Variants in GATAD1 observed in about 807,000 individuals in gnomAD.
GATAD1 encodes the protein GATA zinc finger domain-containing protein 1.
In GATAD1, 12 loss-of-function variants were observed where a neutral mutation model predicts 26.5. The observed-to-expected ratio is 0.45, with a 90% confidence interval of 0.29 to 0.73. The LOEUF (loss-of-function observed/expected upper bound fraction) is 0.73. Among genes scored for constraint, GATAD1 ranks in the 30% least tolerant of loss-of-function variants. GATAD1 has a pLI of 0.10. For missense variants in GATAD1, 266 were observed against 342.1 expected (o/e 0.78, Z 1.75); for synonymous variants, 129 against 133.1 (o/e 0.97, Z 0.21).
chr7:92,448,087 C>T, intron 1 of GATAD1, 109 bp downstream of exon 1: 1 of 827,036 alleles, frequency 1.2e-6, no homozygotes, highest in Non-Finnish European at 1.6e-6. Context: ...CGCCGTGCTC[C>T]TGCTGGCTGG....
At chr7:92,483,406 T>C in the GATAD1 span, among the ~76,000 whole-genome samples, 2 of 152,242 alleles carry the variant, frequency 1.3e-5, no homozygotes, top group Non-Finnish European at 2.9e-5. Flanking sequence ...CTGCCTCTAC[T>C]CTATTCTTGT....
chr7:92,468,224 C>T, the GATAD1 span, among the ~76,000 whole-genome samples: 2 of 152,144 alleles, frequency 1.3e-5, no homozygotes, highest in South Asian at 2.1e-4. Flanking sequence ...CGATTGGGAG[C>T]GGCAATGGGT....
chr7:92,484,717 G>A, the GATAD1 span, among the ~76,000 whole-genome samples: 3 of 152,210 alleles, frequency 2.0e-5, no homozygotes, highest in Admixed American at 6.5e-5. Context: ...AAATTGGTGA[G>A]CTGTTCCTTG....
At chr7:92,481,753 A>G in the GATAD1 span, among the ~76,000 whole-genome samples, 3 of 152,322 alleles carry the variant, frequency 2.0e-5, no homozygotes, top group East Asian at 5.8e-4. Context: ...TTGTGAGTTT[A>G]TATAATGATT....
At position 92,459,273 on chromosome 7, in the gene GATAD1, CAG is replaced by C. The variant is rs1789826417; in HGVS notation, c.*2713_*2714del. The C allele has an allele frequency of 1.4e-5, 2 of 148,006 alleles. No individual in the cohort carries two copies. The highest frequency in any genetic ancestry group is 4.9e-5 in the African/African-American group (2 of 40,446). 9.2% of individuals were successfully genotyped at this position (148,006 alleles called of 1,614,324 possible). A position where few individuals can be genotyped will look rare whatever the true frequency, so the allele number is the denominator to read the frequency against. ...GAGTAGATTCATCATTAATAAGTAA[CAG>C]ATTTTAGGAAAATCAAAAAATGGCT... is the stretch of plus-strand genomic sequence containing the variant. On this transcript the variant is annotated 3_prime_UTR_variant, in exon 5 of 5. Coordinates refer to ENST00000287957, the MANE Select transcript of GATAD1 (RefSeq NM_021167.5).
the GATAD1 span, among the ~76,000 whole-genome samples, chr7:92,466,926 A>T: frequency 2.0e-5 from 3 of 151,974 alleles, no homozygotes; most frequent in African/African-American, 7.3e-5. Context: ...TAGGTATGCT[A>T]TCTGGTAATG....
chr7:92,480,401 T>C, the GATAD1 span, among the ~76,000 whole-genome samples: 1 of 152,066 alleles, frequency 6.6e-6, no homozygotes, highest in Non-Finnish European at 1.5e-5. Flanking sequence ...GAGCTTGATG[T>C]GTAGGGAGGG....
Position 92,447,845 on chromosome 7 carries a change from CG to C in GATAD1, c.119del (p.Gly40AlafsTer84). ...CATCATTGCACTGGCCGGGGCGGCG[CG>C]GGCAGCGGGGGCGCAGGCTCGGGGG... Reference protein sequence around the residue: ...LCHHCTGRGGAGSGGAGSGAA... With the variant: ...LCHHCTGRGGXGSGGAGSGAA... On this transcript the variant is annotated frameshift_variant, in exon 1 of 5. Coordinates refer to ENST00000287957, the MANE Select transcript of GATAD1 (RefSeq NM_021167.5). LOFTEE classifies it high-confidence loss of function. 2 of 1,393,078 alleles carry C rather than the reference CG, an allele frequency of 1.4e-6. No homozygotes were observed. Among genetic ancestry groups the C allele is most frequent in the South Asian group, 3.4e-5 (2 of 59,292 alleles). 86.3% of individuals were successfully genotyped at this position (1,393,078 alleles called of 1,614,324 possible). A position where few individuals can be genotyped will look rare whatever the true frequency, so the allele number is the denominator to read the frequency against.
intron 1 of GATAD1, among the ~76,000 whole-genome samples, chr7:92,448,475 C>G (rs994913609): frequency 2.0e-5 from 3 of 152,150 alleles, no homozygotes; most frequent in Non-Finnish European, 4.4e-5. Context: ...AAGACTGACT[C>G]CTACTCCCGC....
In GATAD1 at chr7:92,456,606, A is replaced by C; in HGVS notation, c.*44A>C. On this transcript the variant is annotated 3_prime_UTR_variant, in exon 5 of 5. Transcript: ENST00000287957. ...GTTTCCAGGCCTGGTGTGGTGGCTC[A>C]CGCCTGTAGCCCCAGCTATTGCACC... 1.6e-6 allele frequency: 2 copies of C among 1,287,020 alleles called. No homozygotes were observed. The highest frequency in any genetic ancestry group is 2.2e-6 in the Non-Finnish European group (2 of 897,220). 79.7% of individuals were successfully genotyped at this position (1,287,020 alleles called of 1,614,324 possible).
the GATAD1 span, chr7:92,468,864 A>G: frequency 1.3e-6 from 1 of 764,440 alleles, no homozygotes. Flanking sequence ...ATCGTGGGCT[A>G]GCAGGCCGGT....
chr7:92,482,963 T>C, the GATAD1 span, among the ~76,000 whole-genome samples: 203 of 152,232 alleles, frequency 1.3e-3, no homozygotes, highest in African/African-American at 4.6e-3. Context: ...AAACAGGGGA[T>C]GGACTTAGCC....
chr7:92,469,405 C>G, the GATAD1 span: 5 of 771,370 alleles, frequency 6.5e-6, no homozygotes, highest in Non-Finnish European at 9.6e-6. Flanking sequence ...CACTCCTGCT[C>G]CTATAACAAA....
At chr7:92,460,573 G>GA (rs935176043), downstream of GATAD1, among the ~76,000 whole-genome samples, 1 of 151,948 alleles carries the variant, frequency 6.6e-6, no homozygotes. Flanking sequence ...ATAAATAAGA[G>GA]AAAAAAGCAG....
In GATAD1 at chr7:92,447,600, G is replaced by T. The variant is rs1203907733; in HGVS notation, c.-130G>T. On this transcript the variant is annotated 5_prime_UTR_variant, in exon 1 of 5. Coordinates refer to ENST00000287957, the MANE Select transcript of GATAD1 (RefSeq NM_021167.5). ...GCGCCAGCGGCCTGGTCCTTTCACC[G>T]GCAGCTCCGTGCCGACGCTCTCACC... 4 of 1,232,088 alleles carry T rather than the reference G, an allele frequency of 3.2e-6. No homozygotes were observed. Among genetic ancestry groups the T allele is most frequent in the Admixed American group, 4.3e-5 (1 of 23,054 alleles). 76.3% of individuals were successfully genotyped at this position (1,232,088 alleles called of 1,614,324 possible).
intron 4 of GATAD1, among the ~76,000 whole-genome samples, 165 bp from the exon 5 acceptor site, chr7:92,456,207 G>C (rs1789664057): frequency 6.6e-6 from 1 of 152,136 alleles, no homozygotes; most frequent in Non-Finnish European, 1.5e-5. Context: ...AGCCGTTAAA[G>C]AAGAAAAAAT....
rs1789755448 is a variant in GATAD1 at position 92,458,020 on chromosome 7, C to T, written c.*1458C>T. 1 of 152,156 alleles carries T rather than the reference C, an allele frequency of 6.6e-6. No individual in the cohort carries two copies. Among genetic ancestry groups the T allele is most frequent in the East Asian group, 1.9e-4 (1 of 5,190 alleles). The allele number at this position is 152,156 out of a possible 1,614,324, so 9.4% of individuals were successfully genotyped here. A position where few individuals can be genotyped will look rare whatever the true frequency, so the allele number is the denominator to read the frequency against. The stretch of plus-strand genomic sequence containing the variant: ...GGTGTTATGGTGCATGCCTGTAATC[C>T]CAGCTACTCGGGAGGCTGAGGCAGG... On this transcript the variant is annotated 3_prime_UTR_variant, in exon 5 of 5. Coordinates refer to ENST00000287957, the MANE Select transcript of GATAD1 (RefSeq NM_021167.5).
the GATAD1 span, among the ~76,000 whole-genome samples, chr7:92,491,843 T>TTCTCATTATAGAGAGCTC: frequency 6.6e-6 from 1 of 152,112 alleles, no homozygotes; most frequent in South Asian, 2.1e-4. Flanking sequence ...ATAGAGTGCT[T>TTCTCATTATAGAGAGCTC]TCTCATTATA....
chr7:92,450,144 T>C (rs1789363833), intron 2 of GATAD1: 1 of 152,514 alleles, frequency 6.6e-6, no homozygotes, highest in Admixed American at 6.5e-5. Context: ...ACTTTCTATG[T>C]TGTGGCATAA....
Sources: gnomAD v4.1 joint callset for allele counts (sites outside exome capture counted in the v4.1 genomes callset) on GRCh38, gnomAD v4.1.1 for gene constraint, MANE v1.5 for transcripts, NCBI Gene and HGNC (gene_info 2026-07-23, HGNC 2026-07-21) for gene names.